The following MAP6 variants were observed in gnomAD, a reference collection of about 807,000 sequenced individuals.
MAP6 encodes microtubule-associated protein 6.
Under a neutral mutation model 42.4 loss-of-function variants are expected in MAP6, and 26 were observed. The ratio of observed to expected loss-of-function variants is 0.61; its 90% confidence interval spans 0.45 to 0.85. The LOEUF is 0.85. Among genes scored for constraint, MAP6 ranks in the 40% least tolerant of loss-of-function variants. The pLI is 0.00. For missense variants in MAP6, 966 were observed against 1,099.0 expected (o/e 0.88, Z 1.71); for synonymous variants, 418 against 443.8 (o/e 0.94, Z 0.73).
chr11:75,589,387 G>T (rs780176505), intron 3 of MAP6, among the ~76,000 whole-genome samples: 2 of 152,232 alleles, frequency 1.3e-5, no homozygotes, highest in Non-Finnish European at 2.9e-5. Context: ...TGCAGGCCAT[G>T]TTGGAAGTCG....
intron 2 of MAP6, among the ~76,000 whole-genome samples, chr11:75,606,871 C>G (rs990774492): frequency 1.3e-5 from 2 of 152,228 alleles, no homozygotes; most frequent in Non-Finnish European, 2.9e-5. Flanking sequence ...TCTCAGGAAA[C>G]TTCGGAGTCA....
intron 1 of MAP6, among the ~76,000 whole-genome samples, chr11:75,638,064 G>A (rs895681627): frequency 2.0e-5 from 3 of 152,218 alleles, no homozygotes; most frequent in Admixed American, 6.5e-5. Flanking sequence ...AGGATAGTAT[G>A]TAATCATTTA....
At chr11:75,624,708 A>T (rs1943167132) in intron 1 of MAP6, among the ~76,000 whole-genome samples, 1 of 152,238 alleles carries the variant, frequency 6.6e-6, no homozygotes, top group Non-Finnish European at 1.5e-5. Context: ...TAAGGGCACA[A>T]GTCAGCATAA....
chr11:75,627,154 T>G (rs770728937), intron 1 of MAP6, among the ~76,000 whole-genome samples: 13 of 152,224 alleles, frequency 8.5e-5, no homozygotes, highest in Non-Finnish European at 1.9e-4. Context: ...AAAAATCATC[T>G]TCATGCTTGT....
intron 1 of MAP6, among the ~76,000 whole-genome samples, chr11:75,647,347 CA>C: frequency 0.24 from 10,528 of 44,158 alleles, 618 homozygotes; most frequent in South Asian, 0.28. Flanking sequence ...CCCACCTGAT[CA>C]AAAAAAAAAA....
chr11:75,627,458 G>A (rs574655944), intron 1 of MAP6, among the ~76,000 whole-genome samples: 110 of 152,314 alleles, frequency 7.2e-4, no homozygotes, highest in African/African-American at 2.5e-3. Flanking sequence ...GTGCTTGCAC[G>A]TACGTCCATG....
chr11:75,633,676 T>C (rs943766316), intron 1 of MAP6, among the ~76,000 whole-genome samples: 5 of 152,076 alleles, frequency 3.3e-5, no homozygotes, highest in African/African-American at 1.2e-4. Context: ...TCTGATCAAG[T>C]GAGAGTTGAA....
At chr11:75,638,984 C>A (rs658653) in intron 1 of MAP6, among the ~76,000 whole-genome samples, 29,032 of 152,144 alleles carry the variant, frequency 0.19, 3,482 homozygotes, top group Admixed American at 0.27. Context: ...ACAATGAAAT[C>A]ATGTCTTTTG....
rs750383326 is a variant in MAP6 at position 75,608,158 on chromosome 11, C to T, written c.1070G>A (p.Arg357His). 159 of 1,614,044 alleles carry T rather than the reference C, an allele frequency of 9.9e-5. No homozygotes were observed. Among genetic ancestry groups the T allele is most frequent in the Middle Eastern group, 1.6e-4 (1 of 6,076 alleles). ...GCTGTAGAGGCTGCGTATTCTTCTGCGATCAATGACCTTATTGTCAGCTGT... is the reference window on the plus strand; with the variant it reads ...GCTGTAGAGGCTGCGTATTCTTCTGTGATCAATGACCTTATTGTCAGCTGT... ...PTTADNKVID[R>H]RRIRSLYSEP... Residue 357 changes from arginine to histidine, a missense_variant, in exon 2 of 4, where the codon CGC becomes CAC. Physicochemically the swap from Arg to His is conservative, Grantham distance 29. Coordinates refer to ENST00000304771, the MANE Select transcript of MAP6 (RefSeq NM_033063.2).
At chr11:75,600,878 C>A (rs1372936604) in intron 3 of MAP6, among the ~76,000 whole-genome samples, 1 of 152,192 alleles carries the variant, frequency 6.6e-6, no homozygotes, top group Non-Finnish European at 1.5e-5. Flanking sequence ...GGAAGAATTT[C>A]ATGAAGAACA....
chr11:75,619,341 A>T (rs1333383635), intron 1 of MAP6, among the ~76,000 whole-genome samples: 1 of 152,242 alleles, frequency 6.6e-6, no homozygotes, highest in African/African-American at 2.4e-5. Flanking sequence ...ATCTTTTTTT[A>T]AAATCTGTAC....
intron 1 of MAP6, among the ~76,000 whole-genome samples, chr11:75,609,998 A>G (rs560172381): frequency 1.3e-5 from 2 of 152,302 alleles, no homozygotes; most frequent in Admixed American, 6.5e-5. Flanking sequence ...TTGATTGATG[A>G]GTTGCCATGG....
In MAP6 at chr11:75,668,598, G is replaced by A. The variant is rs1253475058; in HGVS notation, c.-229C>T. ...ACCGGTCGCAAACGCCTTTGGGAGC[G>A]CAGTCTGCTGCGAGCGCCGAAGGGT... On this transcript the variant is annotated 5_prime_UTR_variant, in exon 1 of 4. Coordinates refer to ENST00000304771, the MANE Select transcript of MAP6 (RefSeq NM_033063.2). The A allele has an allele frequency of 2.4e-6, 1 of 412,880 alleles. No individual in the cohort carries two copies. Among genetic ancestry groups the A allele is most frequent in the Non-Finnish European group, 3.9e-6 (1 of 253,656 alleles). The allele number at this position is 412,880 out of a possible 1,614,324, so 25.6% of individuals were successfully genotyped here. A position where few individuals can be genotyped will look rare whatever the true frequency, so the allele number is the denominator to read the frequency against.
intron 1 of MAP6, among the ~76,000 whole-genome samples, chr11:75,617,080 G>C (rs1943007772): frequency 6.6e-6 from 1 of 152,198 alleles, no homozygotes; most frequent in Non-Finnish European, 1.5e-5. Flanking sequence ...GGCTCATTCT[G>C]CATATAGCTG....
chr11:75,611,668 C>T (rs183004700), intron 1 of MAP6, among the ~76,000 whole-genome samples: 2 of 152,346 alleles, frequency 1.3e-5, no homozygotes, highest in East Asian at 3.9e-4. Context: ...TTTGAACTCT[C>T]CATAAAACCT....
At position 75,667,639 on chromosome 11, in the gene MAP6, G is replaced by A. The variant is rs1943977503; in HGVS notation, c.731C>T (p.Pro244Leu). 8.7e-6 allele frequency: 11 copies of A among 1,263,198 alleles called. No homozygotes were observed. Among genetic ancestry groups the A allele is most frequent in the Non-Finnish European group, 7.9e-6 (8 of 1,008,994 alleles). 78.2% of individuals were successfully genotyped at this position (1,263,198 alleles called of 1,614,324 possible). The change falls in exon 1 of 4, where the codon CCT (proline) becomes CTT (leucine). Residue 244 changes from proline to leucine, a missense_variant. Pro to Leu is a moderately conservative substitution (Grantham distance 98). This residue lies in a region of MAP6 where 943 missense variants were observed against 1,049.9 expected (regional missense o/e 0.90). Coordinates refer to ENST00000304771, the MANE Select transcript of MAP6 (RefSeq NM_033063.2). The surrounding 1 kb of genome is among the most constrained non-coding windows in gnomAD (Gnocchi z 5.6). Reference protein sequence around the residue: ...DERDTRRKAGPAWIVRRAEGL... With the variant: ...DERDTRRKAGLAWIVRRAEGL... ...CTCGGCGCGGCGCACAATCCAGGCAGGCCCGGCCTTCCTGCGCGTGTCGCG... is the reference window on the plus strand; with the variant it reads ...CTCGGCGCGGCGCACAATCCAGGCAAGCCCGGCCTTCCTGCGCGTGTCGCG...
chr11:75,637,914 GGGAAAGAA>G (rs1474794268), intron 1 of MAP6, among the ~76,000 whole-genome samples: 2 of 150,960 alleles, frequency 1.3e-5, no homozygotes, highest in East Asian at 2.0e-4. Context: ...GAAGGAGGGA[GGGAAAGAA>G]GGAAAGAAGG....
intron 3 of MAP6, among the ~76,000 whole-genome samples, chr11:75,588,400 G>A (rs889506707): frequency 1.3e-5 from 2 of 152,136 alleles, no homozygotes; most frequent in African/African-American, 4.8e-5. Context: ...GTCATTCAAT[G>A]TGCTTGCCAA....
chr11:75,587,971 C>T lies in MAP6; in HGVS notation c.1530G>A (p.Thr510=), dbSNP rs569375606. 4.3e-5 allele frequency: 69 copies of T among 1,614,092 alleles called. No homozygotes were observed. The East Asian group carries it at 1.3e-3, about 30-fold the overall frequency. ...TTTCATTCTTTAAAGGCTCAGGGAC[C>T]GTGTGATCTTGATCCTTGACTGGTA... is the stretch of plus-strand genomic sequence containing the variant. The part of the protein sequence containing the change: ...IPLPVKDQDH[T]VPEPLKNESP... Residue 510 remains threonine (T), a synonymous_variant, in exon 4 of 4, where the codon ACG becomes ACA. Transcript: ENST00000304771.
Sources: gnomAD v4.1 joint callset for allele counts (sites outside exome capture counted in the v4.1 genomes callset) on GRCh38, gnomAD v4.1.1 for gene constraint, gnomAD v4.1.1 regional missense constraint, Gnocchi (gnomAD v3.1) non-coding constraint, MANE v1.5 for transcripts, NCBI Gene and HGNC (gene_info 2026-07-23, HGNC 2026-07-21) for gene names.